LUZP2: variants seen among roughly 807,000 people sequenced by gnomAD.
LUZP2 encodes the protein leucine zipper protein 2.
In LUZP2, 52 loss-of-function variants were observed where a neutral mutation model predicts 51.6. The observed-to-expected ratio is 1.01, with a 90% CI of 0.81 to 1.27. The LOEUF is 1.27. Among genes scored for constraint, LUZP2 ranks in the 50% most tolerant of loss-of-function variants. LUZP2 has a pLI of 0.00. For synonymous variants in LUZP2, 154 were observed against 137.3 expected (o/e 1.12, Z -0.85); for missense variants, 436 against 395.4 (o/e 1.10, Z -0.87).
chr11:24,912,538 G>T (rs1853667877), intron 6 of LUZP2, among the ~76,000 whole-genome samples: 1 of 152,100 alleles, frequency 6.6e-6, no homozygotes, highest in African/African-American at 2.4e-5. Context: ...GCTGGGCATG[G>T]TGGCTCACAT....
chr11:25,040,343 A>ATTTTTTTTGTTTTTTTTTT (rs1858012477), intron 9 of LUZP2, among the ~76,000 whole-genome samples: 1 of 98,828 alleles, frequency 1.0e-5, no homozygotes, highest in African/African-American at 5.8e-5. Flanking sequence ...TTTCTTTCCG[A>ATTTTTTTTGTTTTTTTTTT]TTTTTTTTTT....
intron 1 of LUZP2, among the ~76,000 whole-genome samples, chr11:24,519,363 C>T (rs1052416368): frequency 1.3e-5 from 2 of 152,044 alleles, no homozygotes; most frequent in Non-Finnish European, 2.9e-5. Context: ...CTGGAACTGT[C>T]TAGGAAATCG....
At chr11:24,839,155 G>A (rs891968731) in intron 5 of LUZP2, among the ~76,000 whole-genome samples, 2 of 151,586 alleles carry the variant, frequency 1.3e-5, no homozygotes, top group African/African-American at 4.8e-5. Context: ...AGTCTTTCAT[G>A]TTTTGTACAT....
chr11:24,798,550 A>C (rs1402773812), intron 5 of LUZP2, among the ~76,000 whole-genome samples: 1 of 152,186 alleles, frequency 6.6e-6, no homozygotes, highest in African/African-American at 2.4e-5. Context: ...AAGGGGAAGG[A>C]GTCCCCTAAG....
rs768572720 is a variant in LUZP2, at chr11:25,050,125, C to G, written c.853C>G (p.Gln285Glu). Reference protein sequence around the residue: ...GNPSTTACDSQDEGRPCSMKH... With the variant: ...GNPSTTACDSEDEGRPCSMKH... Reference sequence around the variant, plus strand: ...TCCAAGTACCACTGCCTGTGACTCTCAAGATGTAAGAAAAACTTAAGATGC... The same window carrying G: ...TCCAAGTACCACTGCCTGTGACTCTGAAGATGTAAGAAAAACTTAAGATGC... The change falls in exon 10 of 12, where the codon CAA becomes GAA. Residue 285 changes from glutamine to glutamate, a missense_variant. Transcript: ENST00000336930. 5.7e-6 allele frequency: 9 copies of G among 1,586,736 alleles called. 1 individual carries two copies. The highest frequency in any genetic ancestry group is 1.7e-4 in the Middle Eastern group (1 of 5,986).
rs540966633 is a variant in LUZP2, at chr11:24,983,011, T to G, written c.598-115T>G. ...AATTTATAAATTAGGCAATTACATT[T>G]GAAAAGTGATATGTATTTTTGTGGG... On this transcript the variant is annotated intron_variant, in intron 8 of 11. Transcript: ENST00000336930. The G allele has an allele frequency of 3.4e-4, 324 of 957,056 alleles. No homozygotes were observed. The African/African-American group carries it at 4.9e-3, about 15-fold the overall frequency. The allele number at this position is 957,056 out of a possible 1,614,324, so 59.3% of individuals were successfully genotyped here.
At chr11:24,615,764 A>T (rs1249159403) in intron 1 of LUZP2, among the ~76,000 whole-genome samples, 2 of 151,594 alleles carry the variant, frequency 1.3e-5, no homozygotes, top group East Asian at 3.9e-4. Flanking sequence ...CTTTCCATCA[A>T]CAATGTATTT....
intron 1 of LUZP2, among the ~76,000 whole-genome samples, chr11:24,704,105 T>C (rs937971125): frequency 6.8e-6 from 1 of 147,392 alleles, no homozygotes; most frequent in Non-Finnish European, 1.5e-5. Context: ...AACACACATA[T>C]ACACATTCAT....
intron 1 of LUZP2, among the ~76,000 whole-genome samples, chr11:24,687,920 G>A (rs776925834): frequency 6.6e-5 from 10 of 152,138 alleles, no homozygotes; most frequent in African/African-American, 2.4e-4. Context: ...CTCTTCCTGG[G>A]CACAGCACCC....
chr11:24,978,094 T>C (rs1855930062), intron 8 of LUZP2, among the ~76,000 whole-genome samples: 1 of 151,648 alleles, frequency 6.6e-6, no homozygotes, highest in Non-Finnish European at 1.5e-5. Context: ...CTTCTAACCA[T>C]CAGTTTGTAC....
intron 9 of LUZP2, among the ~76,000 whole-genome samples, chr11:25,040,014 C>CG: frequency 6.6e-6 from 1 of 151,992 alleles, no homozygotes; most frequent in Non-Finnish European, 1.5e-5. Flanking sequence ...ATGGGTGGAC[C>CG]ACCCTCACAC....
intron 1 of LUZP2, among the ~76,000 whole-genome samples, chr11:24,502,422 G>C (rs1343688954): frequency 6.6e-6 from 1 of 151,304 alleles, no homozygotes; most frequent in East Asian, 1.9e-4. Flanking sequence ...GTCTTGCTCT[G>C]TTGCCAGGCT....
At chr11:24,521,754 T>C in intron 1 of LUZP2, among the ~76,000 whole-genome samples, 1 of 152,182 alleles carries the variant, frequency 6.6e-6, no homozygotes, top group South Asian at 2.1e-4. Flanking sequence ...GATGGTGCCT[T>C]TCTTTTTCCA....
At chr11:24,800,141 A>T (rs1849657090) in intron 5 of LUZP2, among the ~76,000 whole-genome samples, 1 of 151,992 alleles carries the variant, frequency 6.6e-6, no homozygotes, top group South Asian at 2.1e-4. Flanking sequence ...TTAGGGTTGG[A>T]TGCTGGCAAG....
At chr11:24,549,141 T>C (rs1851648327) in intron 1 of LUZP2, among the ~76,000 whole-genome samples, 1 of 152,080 alleles carries the variant, frequency 6.6e-6, no homozygotes, top group African/African-American at 2.4e-5. Context: ...ATTGTACAGC[T>C]GTACAGAAAT....
intron 1 of LUZP2, among the ~76,000 whole-genome samples, chr11:24,525,178 A>T (rs10834362): frequency 0.23 from 35,500 of 151,496 alleles, 5,526 homozygotes; most frequent in African/African-American, 0.44. Context: ...TTTCCTGCTC[A>T]GTCTGAAACA....
chr11:24,890,579 G>A (rs537250071), intron 5 of LUZP2, among the ~76,000 whole-genome samples: 19 of 152,206 alleles, frequency 1.2e-4, no homozygotes, highest in African/African-American at 2.6e-4. Context: ...AGTTAAGGAG[G>A]TGGGGGAGCA....
chr11:24,748,575 T>C (rs1340558067), intron 4 of LUZP2, among the ~76,000 whole-genome samples: 2 of 151,944 alleles, frequency 1.3e-5, no homozygotes, highest in African/African-American at 4.8e-5. Context: ...TTCTCCTGCC[T>C]CAGCCTCCCT....
At chr11:24,752,054 C>T (rs1263683076) in intron 4 of LUZP2, among the ~76,000 whole-genome samples, 2 of 151,846 alleles carry the variant, frequency 1.3e-5, no homozygotes, top group African/African-American at 2.4e-5. Flanking sequence ...CATCAGGGAA[C>T]GACAAAATAC....
Sources: allele counts gnomAD v4.1 joint callset (sites outside exome capture counted in the v4.1 genomes callset), GRCh38; gene constraint gnomAD v4.1.1; transcripts MANE v1.5; gene names NCBI Gene and HGNC (gene_info 2026-07-23, HGNC 2026-07-21).